Variants in GRIK2 observed in about 807,000 individuals in gnomAD.
GRIK2 encodes the protein glutamate ionotropic receptor kainate type subunit 2.
GRIK2 carries 32 observed loss-of-function variants against 100.3 expected under a neutral mutation model. That is an observed-to-expected ratio of 0.32 (90% CI 0.24 to 0.43). GRIK2 has a LOEUF of 0.43. GRIK2 is among the 20% of genes least tolerant of loss of function. The probability of loss-of-function intolerance (pLI) is 1.00; values close to 1 mark genes in which losing one functional copy is unlikely to be tolerated. For missense variants in GRIK2, 843 were observed against 1,114.9 expected (o/e 0.76, Z 3.47); for synonymous variants, 417 against 389.4 (o/e 1.07, Z -0.83).
At chr6:101,629,599 A>T (rs1411312065) in intron 4 of GRIK2, among the ~76,000 whole-genome samples, 3 of 152,100 alleles carry the variant, frequency 2.0e-5, no homozygotes. Context: ...GAGAACTTTG[A>T]TTATTTAATA....
At chr6:101,743,719 T>G (rs1352092857) in intron 7 of GRIK2, among the ~76,000 whole-genome samples, 2 of 152,206 alleles carry the variant, frequency 1.3e-5, no homozygotes, top group Admixed American at 1.3e-4. Flanking sequence ...GTCCTATCAC[T>G]TCCATATTTT....
At chr6:101,623,751 A>AAATCC (rs1261081925) in intron 3 of GRIK2, among the ~76,000 whole-genome samples, 1 of 152,164 alleles carries the variant, frequency 6.6e-6, no homozygotes, top group East Asian at 1.9e-4. Context: ...ACTGGGAATC[A>AAATCC]AATCCATCAT....
chr6:101,881,458 T>C (rs1786236791), intron 11 of GRIK2, among the ~76,000 whole-genome samples: 1 of 151,824 alleles, frequency 6.6e-6, no homozygotes, highest in Non-Finnish European at 1.5e-5. Context: ...ATGACAGACA[T>C]AGTAATATCT....
intron 12 of GRIK2, among the ~76,000 whole-genome samples, chr6:101,891,259 C>G (rs998075082): frequency 3.3e-5 from 5 of 151,692 alleles, no homozygotes; most frequent in African/African-American, 1.2e-4. Context: ...TTGCTCACGC[C>G]TGTAATCCCA....
chr6:101,813,535 TA>T (rs1781462171), intron 9 of GRIK2, among the ~76,000 whole-genome samples: 2 of 152,176 alleles, frequency 1.3e-5, no homozygotes, highest in South Asian at 4.1e-4. Context: ...CAAATTCAGT[TA>T]AGCACAAAAA....
chr6:101,424,892 G>T (rs534735144), intron 2 of GRIK2, among the ~76,000 whole-genome samples: 1 of 152,120 alleles, frequency 6.6e-6, no homozygotes, highest in Non-Finnish European at 1.5e-5. Flanking sequence ...CAAAGGACAC[G>T]AACTCTTCAT....
At chr6:101,958,504 G>C (rs1357368074) in intron 14 of GRIK2, among the ~76,000 whole-genome samples, 4 of 151,802 alleles carry the variant, frequency 2.6e-5, no homozygotes, top group Non-Finnish European at 5.9e-5. Context: ...TTTCCAATTT[G>C]GATGCCTTTT....
intron 13 of GRIK2, among the ~76,000 whole-genome samples, chr6:101,926,636 A>T (rs1789924492): frequency 6.6e-6 from 1 of 152,302 alleles, no homozygotes; most frequent in Non-Finnish European, 1.5e-5. Flanking sequence ...AAATTCAAAT[A>T]TACATTTGCT....
At chr6:101,727,226 TATTA>T (rs971488613) in intron 7 of GRIK2, among the ~76,000 whole-genome samples, 59 of 152,224 alleles carry the variant, frequency 3.9e-4, no homozygotes, top group Admixed American at 1.1e-3. Flanking sequence ...CTTATGAGAC[TATTA>T]ATTCTGATTT....
intron 10 of GRIK2, among the ~76,000 whole-genome samples, chr6:101,842,511 C>T (rs957471093): frequency 6.6e-6 from 1 of 152,024 alleles, no homozygotes; most frequent in African/African-American, 2.4e-5. Flanking sequence ...TTTTTCTGTA[C>T]AAGTTCTCTG....
chr6:101,514,200 G>A (rs114241467), intron 2 of GRIK2, among the ~76,000 whole-genome samples: 1 of 151,912 alleles, frequency 6.6e-6, no homozygotes, highest in African/African-American at 2.4e-5. Context: ...TTTTTAAAAA[G>A]AAAACTTTGA....
intron 12 of GRIK2, among the ~76,000 whole-genome samples, chr6:101,903,196 C>T (rs1787996234): frequency 1.3e-5 from 2 of 151,824 alleles, no homozygotes; most frequent in South Asian, 2.1e-4. Context: ...TTGCTTAGAT[C>T]GCCCTAGCTG....
At chr6:101,972,708 G>T (rs551452266) in intron 14 of GRIK2, among the ~76,000 whole-genome samples, 1 of 151,870 alleles carries the variant, frequency 6.6e-6, no homozygotes, top group Non-Finnish European at 1.5e-5. Flanking sequence ...AATTAATCTT[G>T]GGTTGATTTT....
At chr6:101,871,071 G>A (rs1018669246) in intron 11 of GRIK2, among the ~76,000 whole-genome samples, 1 of 151,780 alleles carries the variant, frequency 6.6e-6, no homozygotes, top group African/African-American at 2.4e-5. Context: ...TAGCATTTTT[G>A]TCAGGCAGGA....
chr6:101,567,037 TACAG>T (rs1777311831), intron 2 of GRIK2, among the ~76,000 whole-genome samples: 2 of 151,490 alleles, frequency 1.3e-5, no homozygotes, highest in Non-Finnish European at 3.0e-5. Flanking sequence ...TTTTAAAAAT[TACAG>T]AGCGAGGAAG....
At chr6:101,717,994 T>C (rs1242066167) in intron 7 of GRIK2, among the ~76,000 whole-genome samples, 4 of 151,854 alleles carry the variant, frequency 2.6e-5, no homozygotes, top group Non-Finnish European at 1.5e-5. Context: ...AAAACATATT[T>C]AATAATAAAA....
chr6:101,499,060 A>G (rs1321680418), intron 2 of GRIK2, among the ~76,000 whole-genome samples: 3 of 152,114 alleles, frequency 2.0e-5, no homozygotes, highest in African/African-American at 7.2e-5. Flanking sequence ...TGCTGGGAAA[A>G]CTGGCTAGCC....
At chr6:101,860,194 T>C (rs1784656944) in intron 11 of GRIK2, among the ~76,000 whole-genome samples, 1 of 152,122 alleles carries the variant, frequency 6.6e-6, no homozygotes. Context: ...ATCTTAACTT[T>C]TAAAAAGTAT....
intron 2 of GRIK2, among the ~76,000 whole-genome samples, chr6:101,599,950 G>A (rs141589724): frequency 3.0e-3 from 450 of 151,732 alleles, no homozygotes; most frequent in Non-Finnish European, 4.2e-3. Flanking sequence ...AATTGTTTTT[G>A]AGGACCTAAT....
Sources: allele counts gnomAD v4.1 joint callset (sites outside exome capture counted in the v4.1 genomes callset), GRCh38; gene constraint gnomAD v4.1.1; transcripts MANE v1.5; gene names NCBI Gene and HGNC (gene_info 2026-07-23, HGNC 2026-07-21).